ZCCHC9: variants seen among roughly 807,000 people sequenced by gnomAD.
ZCCHC9 encodes the protein zinc finger CCHC domain-containing protein 9.
In ZCCHC9, 18 loss-of-function variants were observed where a neutral mutation model predicts 30.8. The observed-to-expected ratio is 0.58, with a 90% CI of 0.40 to 0.87. The LOEUF (loss-of-function observed/expected upper bound fraction) is 0.87. Ranked by LOEUF, ZCCHC9 falls within the 40% of genes least tolerant of loss-of-function variation. The pLI is 0.00. For synonymous variants in ZCCHC9, 94 were observed against 106.7 expected (o/e 0.88, Z 0.73); for missense variants, 279 against 331.2 (o/e 0.84, Z 1.22).
Position 81,305,119 on chromosome 5 carries a change from A to G in ZCCHC9, c.362A>G (p.Gln121Arg). ...SRREGRRLKR[Q>R]AAKKNAMVCF... ...CGGGAAGGAAGAAGATTAAAAAGAC[A>G]AGCGGCAAAGAAAAATGCAATGGTG... The change falls in exon 2 of 6, where the codon CAA (glutamine) becomes CGA (arginine). Residue 121 changes from glutamine (Q) to arginine (R), a missense_variant. Coordinates refer to ENST00000407610, the MANE Select transcript of ZCCHC9 (RefSeq NM_001131035.2). 6.3e-7 allele frequency: 1 copy of G among 1,595,202 alleles called. No individual in the cohort carries two copies. Among genetic ancestry groups the G allele is most frequent in the Non-Finnish European group, 8.5e-7 (1 of 1,174,728 alleles).
At chr5:81,311,412 A>T in intron 5 of ZCCHC9, 133 bp downstream of exon 5, 4 of 936,230 alleles carry the variant, frequency 4.3e-6, no homozygotes. Context: ...TGTAGCAATG[A>T]CTTAATCTCT....
intron 2 of ZCCHC9, among the ~76,000 whole-genome samples, chr5:81,307,410 C>G (rs1298464813): frequency 6.6e-6 from 1 of 152,030 alleles, no homozygotes; most frequent in African/African-American, 2.4e-5. Flanking sequence ...GCCTGTAATC[C>G]CAGCACTTTG....
intron 2 of ZCCHC9, among the ~76,000 whole-genome samples, chr5:81,307,762 C>T (rs959298861): frequency 2.0e-5 from 3 of 151,486 alleles, no homozygotes; most frequent in Admixed American, 6.6e-5. Flanking sequence ...TTTGGGAGGC[C>T]GAGGCGGGTG....
chr5:81,310,434 C>T (rs1758243372), intron 4 of ZCCHC9, among the ~76,000 whole-genome samples: 1 of 151,414 alleles, frequency 6.6e-6, no homozygotes, highest in Admixed American at 6.6e-5. Context: ...GGTGGGTTTC[C>T]ACATTTGCAT....
intron 4 of ZCCHC9, among the ~76,000 whole-genome samples, chr5:81,310,028 A>AT (rs1758225344): frequency 6.6e-6 from 1 of 152,132 alleles, no homozygotes; most frequent in South Asian, 2.1e-4. Flanking sequence ...CTCTTTCACT[A>AT]TGGCATATAA....
intron 2 of ZCCHC9, among the ~76,000 whole-genome samples, chr5:81,308,022 A>ATATCTATCTATCT (rs571429540): frequency 1.5e-5 from 1 of 68,360 alleles, no homozygotes; most frequent in African/African-American, 5.4e-5. Context: ...AAAAAAAAAA[A>ATATCTATCTATCT]ATCTATCTAT....
Position 81,308,683 on chromosome 5 carries a change from G to A in ZCCHC9, c.507G>A (p.Lys169=). The change falls in exon 3 of 6, where the codon AAG becomes AAA. Residue 169 remains lysine (K), a synonymous_variant. Coordinates refer to ENST00000407610, the MANE Select transcript of ZCCHC9 (RefSeq NM_001131035.2). ...GGTCCACAGAGCACGAAATAACCAA[G>A]TGTAAGGCTAAAGTAGACCCGGCTC... is the stretch of plus-strand genomic sequence containing the variant. ...RCGSTEHEIT[K]CKAKVDPALG... 1.2e-6 allele frequency: 2 copies of A among 1,612,670 alleles called. No individual in the cohort carries two copies. The highest frequency in any genetic ancestry group is 1.7e-6 in the Non-Finnish European group (2 of 1,179,448).
intron 3 of ZCCHC9, 55 bp downstream of exon 3, chr5:81,308,766 A>C: frequency 6.4e-7 from 1 of 1,559,074 alleles, no homozygotes; most frequent in Non-Finnish European, 8.6e-7. Flanking sequence ...AATAAATAGC[A>C]CCTTGGGTAT....
At chr5:81,306,675 C>G (rs904970255) in intron 2 of ZCCHC9, among the ~76,000 whole-genome samples, 8 of 152,084 alleles carry the variant, frequency 5.3e-5, no homozygotes, top group African/African-American at 1.9e-4. Flanking sequence ...TTATACTAAG[C>G]ATCGGTCCTT....
chr5:81,310,157 T>TAAA lies in ZCCHC9; in HGVS notation c.629-1033_629-1031dup, dbSNP rs71000814. Among the ~76,000 whole-genome samples, 23 of 104,758 alleles carry TAAA rather than the reference T, an allele frequency of 2.2e-4. 1 individual carries two copies. Among genetic ancestry groups the TAAA allele is most frequent in the African/African-American group, 8.5e-4 (21 of 24,726 alleles). The allele number at this position is 104,758 out of a possible 152,430, so 68.7% of individuals were successfully genotyped here. On this transcript the variant is annotated intron_variant, in intron 4 of 5. Transcript: ENST00000407610. ...ACTGGTCAACCAAAGTGACTAGCTG[T>TAAA]AAAAAAAAAAAAAAAAAAAAAAATT... is the stretch of plus-strand genomic sequence containing the variant.
intron 2 of ZCCHC9, among the ~76,000 whole-genome samples, chr5:81,307,185 C>T (rs1056581557): frequency 6.6e-6 from 1 of 152,130 alleles, no homozygotes; most frequent in South Asian, 2.1e-4. Flanking sequence ...GTTTAAATAT[C>T]TGCCATCTTT....
At chr5:81,308,385 T>C (rs1013419782) in intron 2 of ZCCHC9, 176 bp from the exon 3 acceptor site, 12 of 685,022 alleles carry the variant, frequency 1.8e-5, no homozygotes, top group African/African-American at 9.3e-5. Flanking sequence ...AACCCTCTGA[T>C]GGAAAGGATA....
Position 81,309,018 on chromosome 5 carries a change from C to T in ZCCHC9, c.608C>T (p.Pro203Leu), listed in dbSNP as rs935800253. 1.6e-5 allele frequency: 25 copies of T among 1,611,690 alleles called. No homozygotes were observed. The East Asian group carries it at 5.1e-4, about 33-fold the overall frequency. The change falls in exon 4 of 6, where the codon CCC (proline) becomes CTC (leucine). Residue 203 changes from proline to leucine, a missense_variant. By Grantham distance (98) the Pro-to-Leu change is moderately conservative. Transcript: ENST00000407610. ...GHLSRSCPDN[P>L]KGLYADGGGC... ...CTGTCTAGATCTTGTCCTGATAATCCCAAAGGACTCTATGCTGATGGTAAG... is the reference window on the plus strand; with the variant it reads ...CTGTCTAGATCTTGTCCTGATAATCTCAAAGGACTCTATGCTGATGGTAAG...
At chr5:81,304,498 C>T (rs929190183) in intron 1 of ZCCHC9, 6 of 311,124 alleles carry the variant, frequency 1.9e-5, no homozygotes, top group African/African-American at 1.1e-4. Context: ...TTTAAGCACA[C>T]CTTTTTTAAC....
Position 81,311,241 on chromosome 5 carries a change from A to T in ZCCHC9, c.659A>T (p.Glu220Val), listed in dbSNP as rs374245784. 2.5e-6 allele frequency: 4 copies of T among 1,614,116 alleles called. No individual in the cohort carries two copies. The highest frequency in any genetic ancestry group is 1.3e-5 in the African/African-American group (1 of 75,048). The change falls in exon 5 of 6, where the codon GAA becomes GTA. Residue 220 changes from glutamate to valine, a missense_variant. By Grantham distance (121) the Glu-to-Val change is moderately radical. Transcript: ENST00000407610. ...GGGCKLCGSVEHLKKDCPESQ... is the reference protein window; with the variant it reads ...GGGCKLCGSVVHLKKDCPESQ... ...GGTTGCAAACTTTGTGGCTCTGTGG[A>T]ACATTTAAAGAAAGATTGCCCTGAA...
chr5:81,304,718 T>C, intron 1 of ZCCHC9, 23 bp from the exon 2 acceptor site: 3 of 1,528,178 alleles, frequency 2.0e-6, no homozygotes, highest in Non-Finnish European at 2.6e-6. Context: ...TAACCACCCA[T>C]GCTTGTCTTA....
chr5:81,309,939 G>A (rs901787362), intron 4 of ZCCHC9, among the ~76,000 whole-genome samples: 3 of 152,048 alleles, frequency 2.0e-5, no homozygotes, highest in Non-Finnish European at 4.4e-5. Flanking sequence ...CTTATAATCA[G>A]TGGTGTCTTA....
At chr5:81,305,814 A>G (rs1376455056) in intron 2 of ZCCHC9, among the ~76,000 whole-genome samples, 3 of 152,200 alleles carry the variant, frequency 2.0e-5, no homozygotes, top group Non-Finnish European at 2.9e-5. Flanking sequence ...TCAAATTAGC[A>G]TTGAGAAAAT....
Position 81,307,990 on chromosome 5 carries a change from G to A in ZCCHC9, c.385-571G>A, listed in dbSNP as rs563054374. ...AGCCTGGGTGATGGAGTAAGACTCC[G>A]TCTCAAAAAAAAAAAAAAAAAAAAA... On this transcript the variant is annotated intron_variant, in intron 2 of 5. Coordinates refer to ENST00000407610, the MANE Select transcript of ZCCHC9 (RefSeq NM_001131035.2). Among the ~76,000 whole-genome samples, 436 of 77,494 alleles carry A rather than the reference G, an allele frequency of 5.6e-3. 2 individuals carry two copies. Among genetic ancestry groups the A allele is most frequent in the Middle Eastern group, 0.017 (1 of 58 alleles). 50.8% of individuals were successfully genotyped at this position (77,494 alleles called of 152,430 possible). A position where few individuals can be genotyped will look rare whatever the true frequency, so the allele number is the denominator to read the frequency against.
Sources: allele counts gnomAD v4.1 joint callset (sites outside exome capture counted in the v4.1 genomes callset), GRCh38; gene constraint gnomAD v4.1.1; transcripts MANE v1.5; gene names NCBI Gene and HGNC (gene_info 2026-07-23, HGNC 2026-07-21).